Variants in FRMD6 observed in about 807,000 individuals in gnomAD.
The protein encoded by FRMD6 is FERM domain-containing protein 6.
FRMD6 carries 37 observed loss-of-function variants against 73.2 expected under a neutral mutation model. The observed-to-expected ratio is 0.51, with a 90% CI of 0.39 to 0.66. The LOEUF (loss-of-function observed/expected upper bound fraction) is 0.66, where lower values mean the gene tolerates loss of function less well. Ranked by LOEUF, FRMD6 falls within the 30% of genes least tolerant of loss-of-function variation. The pLI is 0.00. For synonymous variants in FRMD6, 273 were observed against 282.2 expected (o/e 0.97, Z 0.33); for missense variants, 714 against 780.5 (o/e 0.91, Z 1.02).
the FRMD6 span, among the ~76,000 whole-genome samples, chr14:51,480,653 A>G: frequency 6.6e-6 from 1 of 152,170 alleles, no homozygotes; most frequent in South Asian, 2.1e-4. Context: ...CTACGTTCAT[A>G]TCCTGACACC....
At chr14:51,444,321 G>A in the FRMD6 span, among the ~76,000 whole-genome samples, 1 of 152,226 alleles carries the variant, frequency 6.6e-6, no homozygotes, top group Non-Finnish European at 1.5e-5. Context: ...ATCAGATGCT[G>A]AGATTAGCTC....
intron 2 of FRMD6, among the ~76,000 whole-genome samples, chr14:51,627,455 C>T (rs1224471937): frequency 1.3e-5 from 2 of 152,170 alleles, no homozygotes; most frequent in Non-Finnish European, 2.9e-5. Flanking sequence ...CCAGAGAGGA[C>T]ACCCTGGTGT....
At chr14:51,479,001 C>T in the FRMD6 span, among the ~76,000 whole-genome samples, 3 of 152,140 alleles carry the variant, frequency 2.0e-5, no homozygotes, top group South Asian at 6.2e-4. Context: ...TTTGCTGCCA[C>T]CTGATTTTTA....
chr14:51,717,855 A>G (rs192984236), intron 10 of FRMD6, among the ~76,000 whole-genome samples: 18 of 152,350 alleles, frequency 1.2e-4, no homozygotes, highest in Admixed American at 1.1e-3. Flanking sequence ...ATTTTTCCAT[A>G]GGGTTTAGAA....
rs1891385548 is a variant in FRMD6 at position 51,632,707 on chromosome 14, G to A, written c.-146-56984G>A. 2.6e-5 allele frequency among the ~76,000 whole-genome samples: 4 copies of A among 152,174 alleles called. No homozygotes were observed. The South Asian group carries it at 6.2e-4, about 24-fold the overall frequency. ...CATAGAGGATGGAAATATATTGAAA[G>A]AAGAATGTCCATGGCCCTTTCTTTC... is the stretch of plus-strand genomic sequence containing the variant. On this transcript the variant is annotated intron_variant, in intron 2 of 14. Coordinates refer to the FRMD6 transcript ENST00000356218.
chr14:51,637,325 G>C (rs952557016), intron 2 of FRMD6: 5 of 152,100 alleles, frequency 3.3e-5, no homozygotes, highest in African/African-American at 1.2e-4. Context: ...GAAACATTTT[G>C]AATAAAAACC....
At chr14:51,717,853 A>G (rs1419203728) in intron 10 of FRMD6, among the ~76,000 whole-genome samples, 2 of 152,214 alleles carry the variant, frequency 1.3e-5, no homozygotes, top group South Asian at 2.1e-4. Context: ...GGATTTTTCC[A>G]TAGGGTTTAG....
At chr14:51,399,609 A>G in the FRMD6 span, among the ~76,000 whole-genome samples, 1 of 152,194 alleles carries the variant, frequency 6.6e-6, no homozygotes, top group South Asian at 2.1e-4. Flanking sequence ...TGGATTTGAA[A>G]TTATTATATC....
chr14:51,514,871 A>G (rs1429349530), intron 1 of FRMD6, among the ~76,000 whole-genome samples: 1 of 152,218 alleles, frequency 6.6e-6, no homozygotes, highest in African/African-American at 2.4e-5. Flanking sequence ...CAAAAAAACT[A>G]TGACGACAAG....
intron 1 of FRMD6, among the ~76,000 whole-genome samples, chr14:51,654,604 A>C (rs369971969): frequency 6.6e-5 from 10 of 152,024 alleles, no homozygotes; most frequent in African/African-American, 2.4e-4. Context: ...AAGAAAAATA[A>C]AACCTGCAAA....
chr14:51,443,710 A>G, the FRMD6 span, among the ~76,000 whole-genome samples: 1 of 152,122 alleles, frequency 6.6e-6, no homozygotes, highest in South Asian at 2.1e-4. Context: ...CCCATCTTCC[A>G]AGAGAAATCG....
At chr14:51,632,803 G>T (rs906995402) in intron 2 of FRMD6, among the ~76,000 whole-genome samples, 1 of 152,188 alleles carries the variant, frequency 6.6e-6, no homozygotes, top group Non-Finnish European at 1.5e-5. Context: ...GCAGTTTCAG[G>T]TAAAAGGGGA....
the FRMD6 span, among the ~76,000 whole-genome samples, chr14:51,459,584 T>G: frequency 6.6e-6 from 1 of 152,036 alleles, no homozygotes; most frequent in African/African-American, 2.4e-5. Context: ...TCCCAGCACT[T>G]TGAGAGGCCG....
intron 1 of FRMD6, among the ~76,000 whole-genome samples, chr14:51,549,591 C>CT (rs1168905376): frequency 2.8e-4 from 26 of 93,584 alleles, no homozygotes; most frequent in South Asian, 8.4e-4. Context: ...CTTTTTTTTT[C>CT]TTTCTTTTTT....
intron 1 of FRMD6, among the ~76,000 whole-genome samples, chr14:51,673,385 C>T (rs1245179304): frequency 6.6e-6 from 1 of 152,062 alleles, no homozygotes; most frequent in Non-Finnish European, 1.5e-5. Context: ...CTGTGCTGCC[C>T]CCCAAATTCT....
At chr14:51,467,836 A>G in the FRMD6 span, among the ~76,000 whole-genome samples, 1 of 151,224 alleles carries the variant, frequency 6.6e-6, no homozygotes, top group Non-Finnish European at 1.5e-5. Flanking sequence ...GGCTCCTCAC[A>G]TCCCAGACGA....
chr14:51,658,890 A>G (rs1425615347), intron 1 of FRMD6, among the ~76,000 whole-genome samples: 2 of 152,232 alleles, frequency 1.3e-5, no homozygotes, highest in African/African-American at 4.8e-5. Context: ...AGTTAAAATT[A>G]GAGAATTTTA....
At chr14:51,422,528 TAAAGTA>T in the FRMD6 span, among the ~76,000 whole-genome samples, 2 of 152,072 alleles carry the variant, frequency 1.3e-5, no homozygotes, top group Non-Finnish European at 2.9e-5. Context: ...ATTAACAGGG[TAAAGTA>T]AAAGAGGACA....
At chr14:51,544,365 G>C (rs1336128264) in intron 1 of FRMD6, among the ~76,000 whole-genome samples, 1 of 151,960 alleles carries the variant, frequency 6.6e-6, no homozygotes, top group African/African-American at 2.4e-5. Flanking sequence ...GAGTGATTGA[G>C]TTTCTTAAAA....
Sources: allele counts gnomAD v4.1 joint callset (sites outside exome capture counted in the v4.1 genomes callset), GRCh38; gene constraint gnomAD v4.1.1; transcripts MANE v1.5; gene names NCBI Gene and HGNC (gene_info 2026-07-23, HGNC 2026-07-21).